The following FAM210A variants were observed in gnomAD, a reference collection of about 807,000 sequenced individuals.
FAM210A encodes mitochondrial inner membrane scaffold 1.
Under a neutral mutation model 25.3 loss-of-function variants are expected in FAM210A, and 13 were observed. The ratio of observed to expected loss-of-function variants is 0.51; its 90% CI spans 0.33 to 0.82. FAM210A has a LOEUF of 0.82. Among genes scored for constraint, FAM210A ranks in the 40% least tolerant of loss-of-function variants. The pLI is 0.02. For missense variants in FAM210A, 319 were observed against 323.2 expected, an observed-to-expected ratio of 0.99 and a Z score of 0.10; for synonymous variants, 125 against 118.7, an observed-to-expected ratio of 1.05 and a Z score of -0.35.
Position 13,695,306 on chromosome 18 carries a change from C to T in FAM210A, c.-28-13201G>A, listed in dbSNP as rs561608578. 1.9e-4 allele frequency among the ~76,000 whole-genome samples: 29 copies of T among 152,314 alleles called. No homozygotes were observed. In the South Asian group the frequency reaches 4.6e-3, roughly 24 times the overall value. ...TCAACCATTGTGGAAGACAGTGTGGCGATTCCTCAAGGATCTAGGACTATA... is the reference window on the plus strand; with the variant it reads ...TCAACCATTGTGGAAGACAGTGTGGTGATTCCTCAAGGATCTAGGACTATA... On this transcript the variant is annotated intron_variant, in intron 1 of 3. Coordinates refer to ENST00000651643, the MANE Select transcript of FAM210A (RefSeq NM_152352.4).
chr18:13,671,807 G>T, intron 3 of FAM210A, 55 bp downstream of exon 3: 1 of 1,091,924 alleles, frequency 9.2e-7, no homozygotes, highest in Non-Finnish European at 1.4e-6. Context: ...ATGGGAAAGT[G>T]AGCAGGTCAC....
intron 1 of FAM210A, among the ~76,000 whole-genome samples, chr18:13,689,144 T>C (rs79454864): frequency 0.018 from 2,710 of 152,312 alleles, 31 homozygotes; most frequent in Middle Eastern, 0.061. Context: ...TCACCTTATC[T>C]TGTGTAAAAC....
chr18:13,702,982 C>G (rs1422052985), intron 1 of FAM210A, among the ~76,000 whole-genome samples: 1 of 152,172 alleles, frequency 6.6e-6, no homozygotes, highest in Non-Finnish European at 1.5e-5. Flanking sequence ...TAAAAGTCAG[C>G]TTAATTACAA....
At chr18:13,672,318 A>G (rs972365504) in intron 2 of FAM210A, among the ~76,000 whole-genome samples, 2 of 152,256 alleles carry the variant, frequency 1.3e-5, no homozygotes, top group African/African-American at 4.8e-5. Flanking sequence ...GCCTGGTCTT[A>G]GTTTCCTCAA....
intron 1 of FAM210A, among the ~76,000 whole-genome samples, chr18:13,711,336 A>C (rs1234697346): frequency 6.6e-6 from 1 of 152,168 alleles, no homozygotes; most frequent in Admixed American, 6.5e-5. Context: ...GTGCCACTGC[A>C]CTCCGGCCTG....
rs139803061 is a variant in FAM210A at position 13,664,895 on chromosome 18, A to G, written c.*1585T>C. On this transcript the variant is annotated 3_prime_UTR_variant, in exon 4 of 4. Coordinates refer to ENST00000651643, the MANE Select transcript of FAM210A (RefSeq NM_152352.4). ...TAGCAGATAAGTCAAAACAAGGACA[A>G]TCTAAGAGGCCATTCCCTCATCCAA... is the stretch of plus-strand genomic sequence containing the variant. 3 of 152,476 alleles carry G rather than the reference A, an allele frequency of 2.0e-5. No homozygotes were observed. The highest frequency in any genetic ancestry group is 7.2e-5 in the African/African-American group (3 of 41,556). 9.4% of individuals were successfully genotyped at this position (152,476 alleles called of 1,614,324 possible).
chr18:13,709,224 T>C (rs949404103), intron 1 of FAM210A, among the ~76,000 whole-genome samples: 18 of 152,184 alleles, frequency 1.2e-4, no homozygotes, highest in Admixed American at 8.5e-4. Context: ...CTTTCCCATT[T>C]TTCTTTGAGT....
At chr18:13,700,056 A>AT (rs2043726605) in intron 1 of FAM210A, among the ~76,000 whole-genome samples, 1 of 152,198 alleles carries the variant, frequency 6.6e-6, no homozygotes, top group South Asian at 2.1e-4. Flanking sequence ...TGGGTACCCT[A>AT]TAATTCAATT....
chr18:13,690,967 G>C (rs1759139782), intron 1 of FAM210A, among the ~76,000 whole-genome samples: 1 of 152,162 alleles, frequency 6.6e-6, no homozygotes, highest in Non-Finnish European at 1.5e-5. Context: ...CAAGCTAAAG[G>C]AAGATGTTCG....
intron 1 of FAM210A, among the ~76,000 whole-genome samples, chr18:13,702,638 A>G (rs2043749424): frequency 6.6e-6 from 1 of 152,200 alleles, no homozygotes; most frequent in Non-Finnish European, 1.5e-5. Context: ...AGCCTTTGCA[A>G]GCTCAAAATT....
intron 3 of FAM210A, among the ~76,000 whole-genome samples, chr18:13,670,183 T>C (rs1391807601): frequency 1.3e-5 from 2 of 152,104 alleles, no homozygotes; most frequent in Non-Finnish European, 2.9e-5. Context: ...CCTAATCAAA[T>C]AAAACAAACA....
intron 1 of FAM210A, among the ~76,000 whole-genome samples, chr18:13,720,939 T>C (rs543008635): frequency 2.0e-5 from 3 of 152,332 alleles, no homozygotes; most frequent in South Asian, 2.1e-4. Context: ...GCATTCTCCC[T>C]GTGTGAATGT....
intron 1 of FAM210A, among the ~76,000 whole-genome samples, chr18:13,715,554 T>G (rs140829430): frequency 6.6e-6 from 1 of 152,314 alleles, no homozygotes; most frequent in African/African-American, 2.4e-5. Context: ...AACTGGGCAG[T>G]CACTTTCATT....
chr18:13,711,695 T>C (rs2149068864), intron 1 of FAM210A, among the ~76,000 whole-genome samples: 1 of 152,320 alleles, frequency 6.6e-6, no homozygotes, highest in South Asian at 2.1e-4. Context: ...GCAGGCTCTA[T>C]ACATTTTATC....
chr18:13,669,994 G>C (rs766073575), intron 3 of FAM210A, among the ~76,000 whole-genome samples: 3 of 152,146 alleles, frequency 2.0e-5, no homozygotes, highest in African/African-American at 7.2e-5. Context: ...CTTCACAGAG[G>C]AATAGTGAGG....
At chr18:13,682,212 C>G (rs990043924) in intron 1 of FAM210A, 107 bp from the exon 2 acceptor site, 2 of 737,186 alleles carry the variant, frequency 2.7e-6, no homozygotes, top group African/African-American at 1.8e-5. Flanking sequence ...AAGACAGACA[C>G]TGCTACATAA....
intron 1 of FAM210A, among the ~76,000 whole-genome samples, chr18:13,716,893 T>C (rs1220698263): frequency 9.8e-5 from 15 of 152,286 alleles, no homozygotes; most frequent in Admixed American, 3.3e-4. Flanking sequence ...TCAGGTAGTA[T>C]TTTTACAGCA....
intron 2 of FAM210A, among the ~76,000 whole-genome samples, chr18:13,673,536 T>G (rs9949404): frequency 6.8e-6 from 1 of 146,306 alleles, no homozygotes; most frequent in Non-Finnish European, 1.5e-5. Flanking sequence ...GTTTCCTGAT[T>G]ATTAACATTC....
At chr18:13,684,135 G>T (rs965055573) in intron 1 of FAM210A, among the ~76,000 whole-genome samples, 1 of 152,174 alleles carries the variant, frequency 6.6e-6, no homozygotes, top group Admixed American at 6.5e-5. Context: ...GGTGGCTCAC[G>T]CCTGTAATCT....
Sources: allele counts gnomAD v4.1 joint callset (sites outside exome capture counted in the v4.1 genomes callset), GRCh38; gene constraint gnomAD v4.1.1; transcripts MANE v1.5; gene names NCBI Gene and HGNC (gene_info 2026-07-23, HGNC 2026-07-21).